NBEA: variants seen among roughly 807,000 people sequenced by gnomAD.
NBEA encodes the protein neurobeachin.
In NBEA, 44 loss-of-function variants were observed where a neutral mutation model predicts 343.4. The observed-to-expected ratio is 0.13, with a 90% CI of 0.10 to 0.16. The LOEUF is 0.16. Ranked by LOEUF, NBEA falls within the 10% of genes least tolerant of loss-of-function variation. The pLI is 1.00. For synonymous variants in NBEA, 1,175 were observed against 1,238.7 expected (o/e 0.95, Z 1.08); for missense variants, 2,555 against 3,631.3 (o/e 0.70, Z 7.62).
intron 37 of NBEA, among the ~76,000 whole-genome samples, chr13:35,350,135 G>A (rs1164174133): frequency 6.6e-6 from 1 of 152,114 alleles, no homozygotes; most frequent in Non-Finnish European, 1.5e-5. Flanking sequence ...TTCCCTGCAG[G>A]ATCAGTTTTG....
At chr13:35,288,665 A>T (rs1594088364) in intron 34 of NBEA, among the ~76,000 whole-genome samples, 1 of 152,094 alleles carries the variant, frequency 6.6e-6, no homozygotes, top group East Asian at 1.9e-4. Context: ...GTTTCTGAGA[A>T]ATTAATGCAA....
chr13:35,447,493 T>C (rs1217961907), intron 39 of NBEA, among the ~76,000 whole-genome samples: 1 of 151,290 alleles, frequency 6.6e-6, no homozygotes, highest in Non-Finnish European at 1.5e-5. Context: ...CAGAGCTTTA[T>C]ATATATATAT....
chr13:35,530,495 C>T lies in NBEA; in HGVS notation c.6586-19982C>T, dbSNP rs553060509. ...TTGTAAAAGCCCAAGCTGTAGGGGC[C>T]CTTCTTGTTGGTTTAAACCAGGGCC... On this transcript the variant is annotated intron_variant, in intron 41 of 58. Transcript: ENST00000379939. 2.0e-5 allele frequency among the ~76,000 whole-genome samples: 3 copies of T among 152,234 alleles called. No homozygotes were observed. The East Asian group carries it at 5.8e-4, about 30-fold the overall frequency.
intron 35 of NBEA, among the ~76,000 whole-genome samples, chr13:35,307,940 G>C (rs1300398188): frequency 2.6e-5 from 4 of 151,980 alleles, no homozygotes; most frequent in Non-Finnish European, 5.9e-5. Flanking sequence ...TAGCAGTCTT[G>C]TCATTTGGAT....
chr13:35,231,102 C>T (rs1455054715), intron 33 of NBEA, among the ~76,000 whole-genome samples: 1 of 152,108 alleles, frequency 6.6e-6, no homozygotes, highest in Non-Finnish European at 1.5e-5. Flanking sequence ...CCAGAATTTT[C>T]TAAATATATG....
intron 41 of NBEA, among the ~76,000 whole-genome samples, chr13:35,489,295 G>A (rs2076417561): frequency 1.3e-5 from 2 of 151,810 alleles, no homozygotes; most frequent in Admixed American, 1.3e-4. Context: ...GCAATAAGAG[G>A]TGTTATCACA....
chr13:35,269,006 A>T (rs2033916984), intron 34 of NBEA, among the ~76,000 whole-genome samples: 1 of 152,128 alleles, frequency 6.6e-6, no homozygotes, highest in South Asian at 2.1e-4. Flanking sequence ...TCTGTATTGT[A>T]ACACTGTTAA....
intron 41 of NBEA, among the ~76,000 whole-genome samples, chr13:35,549,939 A>G (rs1201129870): frequency 2.0e-5 from 3 of 152,214 alleles, no homozygotes; most frequent in East Asian, 1.9e-4. Context: ...CACATTGTCT[A>G]TGGCTCCTTT....
At chr13:35,094,468 G>A (rs533640639) in intron 10 of NBEA, among the ~76,000 whole-genome samples, 6 of 152,158 alleles carry the variant, frequency 3.9e-5, no homozygotes, top group South Asian at 2.1e-4. Context: ...TCATGAGGGC[G>A]TTGTCTAAAA....
At chr13:35,298,460 T>TG (rs1409443416) in intron 35 of NBEA, among the ~76,000 whole-genome samples, 15 of 151,624 alleles carry the variant, frequency 9.9e-5, no homozygotes, top group Non-Finnish European at 1.8e-4. Context: ...CATTTGTGAA[T>TG]AAAATATGAA....
At chr13:35,177,381 A>G (rs977045479) in intron 28 of NBEA, among the ~76,000 whole-genome samples, 23 of 151,880 alleles carry the variant, frequency 1.5e-4, no homozygotes, top group Non-Finnish European at 3.1e-4. Flanking sequence ...TTTATCTTGT[A>G]TCAACTACTC....
intron 38 of NBEA, among the ~76,000 whole-genome samples, chr13:35,420,992 T>C (rs2044237064): frequency 6.6e-6 from 1 of 152,046 alleles, no homozygotes; most frequent in African/African-American, 2.4e-5. Context: ...GTTTTCAGTT[T>C]CACTGATTTT....
At chr13:35,426,465 G>T in intron 38 of NBEA, among the ~76,000 whole-genome samples, 1 of 152,212 alleles carries the variant, frequency 6.6e-6, no homozygotes, top group South Asian at 2.1e-4. Context: ...TAAGAATGTT[G>T]AATTGGCCCC....
rs1382690027 is a variant in NBEA at position 35,155,873 on chromosome 13, C to T, written c.2527+18C>T. On this transcript the variant is annotated intron_variant, in intron 19 of 58. Transcript: ENST00000379939. ...GAATCCAAGTGAGCAAATGGCAGTT[C>T]TTTACTGTATTGTGGTAGGCGCATG... 1 of 1,596,032 alleles carries T rather than the reference C, an allele frequency of 6.3e-7. No individual in the cohort carries two copies. The highest frequency in any genetic ancestry group is 8.6e-7 in the Non-Finnish European group (1 of 1,163,830).
intron 34 of NBEA, among the ~76,000 whole-genome samples, chr13:35,256,749 C>T (rs962644184): frequency 4.6e-5 from 7 of 152,136 alleles, no homozygotes; most frequent in Admixed American, 1.3e-4. Context: ...CCAGCTAGGT[C>T]GTGACAATGC....
chr13:35,274,923 A>T (rs1199356307), intron 34 of NBEA, among the ~76,000 whole-genome samples: 2 of 152,238 alleles, frequency 1.3e-5, no homozygotes, highest in African/African-American at 4.8e-5. Flanking sequence ...GAAAATGGCC[A>T]TACTGCCTAA....
intron 38 of NBEA, among the ~76,000 whole-genome samples, chr13:35,359,273 T>G (rs2040673664): frequency 6.6e-6 from 1 of 152,160 alleles, no homozygotes; most frequent in South Asian, 2.1e-4. Flanking sequence ...CCCTTGGCTT[T>G]CTCTTATCTT....
chr13:35,357,988 G>T (rs1256621326), intron 38 of NBEA, among the ~76,000 whole-genome samples: 1 of 151,948 alleles, frequency 6.6e-6, no homozygotes, highest in Non-Finnish European at 1.5e-5. Context: ...ATATATAGTT[G>T]TAATATGTTG....
chr13:35,591,378 A>C (rs531422458), intron 46 of NBEA, among the ~76,000 whole-genome samples: 2 of 152,196 alleles, frequency 1.3e-5, no homozygotes, highest in South Asian at 4.1e-4. Context: ...ATAGTGAATT[A>C]AACATCTAAA....
Sources: allele counts gnomAD v4.1 joint callset (sites outside exome capture counted in the v4.1 genomes callset), GRCh38; gene constraint gnomAD v4.1.1; transcripts MANE v1.5; gene names NCBI Gene and HGNC (gene_info 2026-07-23, HGNC 2026-07-21).